The following CCDC62 variants were observed in gnomAD, a reference collection of about 807,000 sequenced individuals.
The protein encoded by CCDC62 is coiled-coil domain containing 62.
CCDC62 carries 72 observed loss-of-function variants against 80.8 expected under a neutral mutation model. That is an observed-to-expected ratio of 0.89 (90% CI 0.74 to 1.08). The LOEUF (loss-of-function observed/expected upper bound fraction) is 1.08, where lower values mean the gene tolerates loss of function less well. Among genes scored for constraint, CCDC62 ranks in the 50% least tolerant of loss-of-function variants. The pLI is 0.00. For missense variants in CCDC62, 704 were observed against 809.4 expected (o/e 0.87, Z 1.58); for synonymous variants, 286 against 296.5 (o/e 0.96, Z 0.36).
intron 3 of CCDC62, among the ~76,000 whole-genome samples, chr12:122,783,173 C>A (rs2029973652): frequency 6.6e-6 from 1 of 151,150 alleles, no homozygotes; most frequent in Non-Finnish European, 1.5e-5. Context: ...TTTTTGAGTT[C>A]ATGCTTATAA....
At position 122,813,335 on chromosome 12, in the gene CCDC62, G is replaced by A. The variant is rs566073314; in HGVS notation, c.1917G>A (p.Ala639=). The change falls in exon 11 of 13, where the codon GCG becomes GCA. Residue 639 remains alanine, a synonymous_variant. Coordinates refer to ENST00000253079, the MANE Select transcript of CCDC62 (RefSeq NM_201435.5). ...SPTSKLQRLL[A]ESRQMVTDLE... The stretch of plus-strand genomic sequence containing the variant: ...CGAGCAAGCTCCAGCGTTTGCTGGC[G>A]GAATCTCGTCAGATGGTGACGGACC... 41 of 1,613,932 alleles carry A rather than the reference G, an allele frequency of 2.5e-5. 1 individual carries two copies. In the Middle Eastern group the frequency reaches 4.9e-4, roughly 19 times the overall value.
Position 122,786,428 on chromosome 12 carries a change from G to A in CCDC62, c.498+608G>A, listed in dbSNP as rs141988999. ...CTCCCAAAGTGCTGGGATTACAGGCGTGAGCCACCGCGCTCAGCCAGAGGT... is the reference window on the plus strand; with the variant it reads ...CTCCCAAAGTGCTGGGATTACAGGCATGAGCCACCGCGCTCAGCCAGAGGT... On this transcript the variant is annotated intron_variant, in intron 4 of 12. Transcript: ENST00000253079. Among the ~76,000 whole-genome samples, 259 of 151,090 alleles carry A rather than the reference G, an allele frequency of 1.7e-3. 2 individuals carry two copies. The highest frequency in any genetic ancestry group is 6.1e-3 in the African/African-American group (251 of 40,892).
rs140724670 is a variant in CCDC62, at chr12:122,775,833, G to A, written c.36+1127G>A. 3.1e-3 allele frequency among the ~76,000 whole-genome samples: 470 copies of A among 152,254 alleles called. 2 individuals are homozygous for A. Among genetic ancestry groups the A allele is most frequent in the African/African-American group, 0.01 (424 of 41,544 alleles). On this transcript the variant is annotated intron_variant, in intron 1 of 12. Coordinates refer to ENST00000253079, the MANE Select transcript of CCDC62 (RefSeq NM_201435.5). Reference sequence around the variant, plus strand: ...TCGCCATGTTGGCCAGGCTGGTCTCGAACTCCCGACCTCAGGTGATCTGCC... The same window carrying A: ...TCGCCATGTTGGCCAGGCTGGTCTCAAACTCCCGACCTCAGGTGATCTGCC...
intron 12 of CCDC62, among the ~76,000 whole-genome samples, chr12:122,825,373 T>G (rs1593845544): frequency 4.6e-5 from 5 of 107,804 alleles, no homozygotes; most frequent in Admixed American, 2.2e-4. Flanking sequence ...TGAGACAGAG[T>G]TTTGCTCTTG....
chr12:122,796,326 A>G (rs2030957388), intron 6 of CCDC62, among the ~76,000 whole-genome samples: 1 of 151,812 alleles, frequency 6.6e-6, no homozygotes. Context: ...ATTTTTTTTA[A>G]GAGACAGTGT....
intron 4 of CCDC62, 133 bp downstream of exon 4, chr12:122,785,953 A>T: frequency 1.6e-6 from 1 of 633,240 alleles, no homozygotes; most frequent in Non-Finnish European, 2.8e-6. Context: ...TAAAACGCCC[A>T]TTTAGAAATG....
rs1276207669 is a variant in CCDC62 at position 122,781,734 on chromosome 12, AT to A, written c.396+405del. Among the ~76,000 whole-genome samples the A allele has an allele frequency of 2.0e-5, 3 of 152,148 alleles. No individual in the cohort carries two copies. In the East Asian group the frequency reaches 5.8e-4, roughly 29 times the overall value. ...ATTAGATTTAAATGTTTCATTAAAA[AT>A]GCATGTGAGGCTGGGCACAGTGGCT... On this transcript the variant is annotated intron_variant, in intron 3 of 12. Transcript: ENST00000253079.
chr12:122,793,346 T>C (rs992989686), intron 6 of CCDC62, among the ~76,000 whole-genome samples: 1 of 152,106 alleles, frequency 6.6e-6, no homozygotes, highest in Non-Finnish European at 1.5e-5. Context: ...TCAATGACTT[T>C]CCTAACACAA....
chr12:122,778,456 T>C (rs1171252807), intron 2 of CCDC62, among the ~76,000 whole-genome samples: 2 of 152,184 alleles, frequency 1.3e-5, no homozygotes, highest in Admixed American at 6.6e-5. Flanking sequence ...GCCCTAAATC[T>C]GAATGTTCCA....
At chr12:122,802,829 C>T (rs1358918504) in intron 9 of CCDC62, among the ~76,000 whole-genome samples, 1 of 152,094 alleles carries the variant, frequency 6.6e-6, no homozygotes, top group Non-Finnish European at 1.5e-5. Flanking sequence ...GAATTTGAGA[C>T]TAGCCTGGTT....
rs1240699242 is a variant in CCDC62 at position 122,786,232 on chromosome 12, C to A, written c.498+412C>A. Among the ~76,000 whole-genome samples, 5 of 152,280 alleles carry A rather than the reference C, an allele frequency of 3.3e-5. No homozygotes were observed. The East Asian group carries it at 9.7e-4, about 29-fold the overall frequency. On this transcript the variant is annotated intron_variant, in intron 4 of 12. Coordinates refer to ENST00000253079, the MANE Select transcript of CCDC62 (RefSeq NM_201435.5). ...GCTCCGTCTCAGCTCGCTGCAAGCT[C>A]CGCCTCCCAGGTTCACGCCATTCTC...
chr12:122,788,828 C>A lies in CCDC62; in HGVS notation c.569C>A (p.Ala190Asp). 2 of 1,609,070 alleles carry A rather than the reference C, an allele frequency of 1.2e-6. No homozygotes were observed. Among genetic ancestry groups the A allele is most frequent in the Non-Finnish European group, 1.7e-6 (2 of 1,177,426 alleles). ...CSGKFKMLEH[A>D]LRDAKMAETC... ...GGTAAATTTAAAATGCTAGAGCATG[C>A]CCTACGTGATGCCAAGATGGCGGAG... The change falls in exon 5 of 13, where the codon GCC (alanine) becomes GAC (aspartate). Residue 190 changes from alanine (A) to aspartate (D), a missense_variant. Physicochemically the swap from Ala to Asp is moderately radical, Grantham distance 126 (BLOSUM62 -2). Transcript: ENST00000253079.
In CCDC62 at chr12:122,801,751, G is replaced by T; in HGVS notation, c.1605G>T (p.Met535Ile). The T allele has an allele frequency of 6.2e-7, 1 of 1,614,206 alleles. No individual in the cohort carries two copies. Among genetic ancestry groups the T allele is most frequent in the Non-Finnish European group, 8.5e-7 (1 of 1,180,042 alleles). Residue 535 changes from methionine (M) to isoleucine (I), a missense_variant, in exon 9 of 13, where the codon ATG becomes ATT. Transcript: ENST00000253079. ...APGHMSDVEWMSIFKPSKMQR... is the reference protein window; with the variant it reads ...APGHMSDVEWISIFKPSKMQR... The stretch of plus-strand genomic sequence containing the variant: ...GCCACATGTCTGACGTGGAGTGGAT[G>T]AGTATTTTCAAGCCTTCCAAAATGC...
chr12:122,812,785 AAGAAAG>A (rs1257514911), intron 10 of CCDC62, among the ~76,000 whole-genome samples: 29 of 110,160 alleles, frequency 2.6e-4, no homozygotes, highest in African/African-American at 1.3e-3. Context: ...GAGAGAAAGA[AAGAAAG>A]AAAGAAAGAA....
chr12:122,807,516 T>G (rs1593817764), intron 10 of CCDC62, among the ~76,000 whole-genome samples: 6 of 105,140 alleles, frequency 5.7e-5, no homozygotes, highest in Admixed American at 1.4e-4. Context: ...GGCAACAGAG[T>G]GAGACTCTGT....
At chr12:122,820,968 C>T (rs74608389) in intron 11 of CCDC62, among the ~76,000 whole-genome samples, 5,198 of 152,154 alleles carry the variant, frequency 0.034, 278 homozygotes, top group African/African-American at 0.12. Context: ...TGAGGGATCC[C>T]GGGGTGGCTG....
intron 4 of CCDC62, 146 bp from the exon 5 acceptor site, chr12:122,788,610 TAG>T (rs1205264304): frequency 1.7e-6 from 1 of 572,738 alleles, no homozygotes; most frequent in Non-Finnish European, 3.0e-6. Flanking sequence ...ACCACCCTCA[TAG>T]AGTTACTGTA....
At chr12:122,787,323 C>T (rs1416307200) in intron 4 of CCDC62, among the ~76,000 whole-genome samples, 6 of 152,056 alleles carry the variant, frequency 3.9e-5, no homozygotes, top group East Asian at 3.9e-4. Flanking sequence ...TGGTGGCACA[C>T]GCCTGTAATG....
chr12:122,784,478 G>A (rs934267538), intron 3 of CCDC62, among the ~76,000 whole-genome samples: 8 of 151,894 alleles, frequency 5.3e-5, no homozygotes, highest in Non-Finnish European at 1.0e-4. Context: ...CCAAGACCAC[G>A]CCACTGCACT....
Sources: allele counts gnomAD v4.1 joint callset (sites outside exome capture counted in the v4.1 genomes callset), GRCh38; gene constraint gnomAD v4.1.1; transcripts MANE v1.5; gene names NCBI Gene and HGNC (gene_info 2026-07-23, HGNC 2026-07-21).